Variants in KCNK3 observed in about 807,000 individuals in gnomAD.
The protein encoded by KCNK3 is potassium channel subfamily K member 3.
In KCNK3, 9 loss-of-function variants were observed where a neutral mutation model predicts 27.3. That is an observed-to-expected ratio of 0.33 (90% CI 0.20 to 0.57). The LOEUF (loss-of-function observed/expected upper bound fraction) is 0.57, where lower values mean the gene tolerates loss of function less well. Ranked by LOEUF, KCNK3 falls within the 20% of genes least tolerant of loss-of-function variation. KCNK3 has a pLI of 0.87. For synonymous variants in KCNK3, 278 were observed against 273.8 expected, an observed-to-expected ratio of 1.02 and a Z score of -0.15; for missense variants, 391 against 577.7, an observed-to-expected ratio of 0.68 and a Z score of 3.31.
chr2:26,727,590 C>G (rs1423916271), intron 1 of KCNK3, 77 bp from the exon 2 acceptor site: 2 of 1,509,308 alleles, frequency 1.3e-6, no homozygotes, highest in Non-Finnish European at 1.8e-6. Flanking sequence ...GGCGGGGCAA[C>G]GGGGAGGGAG....
At chr2:26,708,247 C>T (rs1670399306) in intron 1 of KCNK3, among the ~76,000 whole-genome samples, 1 of 152,082 alleles carries the variant, frequency 6.6e-6, no homozygotes, top group Admixed American at 6.5e-5. Context: ...GATGCAAAGG[C>T]CTCAAGCAGG....
At chr2:26,720,129 C>G (rs2148266716) in intron 1 of KCNK3, among the ~76,000 whole-genome samples, 1 of 152,312 alleles carries the variant, frequency 6.6e-6, no homozygotes, top group Admixed American at 6.5e-5. Context: ...GTGGTTCACA[C>G]CTGTAGTCAC....
intron 1 of KCNK3, among the ~76,000 whole-genome samples, chr2:26,712,175 G>C (rs1224784609): frequency 6.6e-6 from 1 of 152,186 alleles, no homozygotes; most frequent in Admixed American, 6.5e-5. Flanking sequence ...GGTCAGAAGA[G>C]AGCAACAAGC....
At chr2:26,725,430 C>A (rs1210787115) in intron 1 of KCNK3, among the ~76,000 whole-genome samples, 2 of 152,194 alleles carry the variant, frequency 1.3e-5, no homozygotes, top group African/African-American at 4.8e-5. Context: ...ACACAGCTAT[C>A]ACGTGGCCAA....
chr2:26,702,589 C>T (rs1670321519), intron 1 of KCNK3, among the ~76,000 whole-genome samples: 1 of 152,150 alleles, frequency 6.6e-6, no homozygotes, highest in African/African-American at 2.4e-5. Flanking sequence ...AAAATTGAAG[C>T]TGACCAAAGA....
chr2:26,693,177 G>A lies in KCNK3; in HGVS notation c.283+19G>A, dbSNP rs557385613. Reference sequence around the variant, plus strand: ...ACCATCGGTAACGGCTCGCCGGGCGGGGGGCGGGAACCCAGGGCTGGGCGC... The same window carrying A: ...ACCATCGGTAACGGCTCGCCGGGCGAGGGGCGGGAACCCAGGGCTGGGCGC... On this transcript the variant is annotated intron_variant, in intron 1 of 1. Coordinates refer to ENST00000302909, the MANE Select transcript of KCNK3 (RefSeq NM_002246.3). The surrounding 1 kb of genome is among the most constrained non-coding windows in gnomAD (Gnocchi z 5.5). 4 of 1,521,578 alleles carry A rather than the reference G, an allele frequency of 2.6e-6. No homozygotes were observed. The highest frequency in any genetic ancestry group is 2.6e-5 in the East Asian group (1 of 39,182). The allele number at this position is 1,521,578 out of a possible 1,614,324, so 94.3% of individuals were successfully genotyped here.
chr2:26,714,588 T>G (rs1330463876), intron 1 of KCNK3, among the ~76,000 whole-genome samples: 1 of 87,856 alleles, frequency 1.1e-5, no homozygotes. Context: ...AGAACAACCT[T>G]AAGAGGAGGG....
intron 1 of KCNK3, among the ~76,000 whole-genome samples, chr2:26,711,904 TG>T: frequency 6.6e-6 from 1 of 151,954 alleles, no homozygotes; most frequent in South Asian, 2.1e-4. Flanking sequence ...AAGCTGCAGC[TG>T]GGGGGAGCTG....
At chr2:26,695,682 T>C (rs1670226001) in intron 1 of KCNK3, among the ~76,000 whole-genome samples, 2 of 152,170 alleles carry the variant, frequency 1.3e-5, no homozygotes, top group South Asian at 2.1e-4. Context: ...ATGCTATTGA[T>C]GGGTTTAAGG....
chr2:26,712,907 A>C (rs764832716), intron 1 of KCNK3, among the ~76,000 whole-genome samples: 2 of 152,064 alleles, frequency 1.3e-5, no homozygotes, highest in Non-Finnish European at 2.9e-5. Flanking sequence ...CTCCTTTCAC[A>C]TCTCCTGGCA....
At chr2:26,712,884 G>A (rs949157401) in intron 1 of KCNK3, among the ~76,000 whole-genome samples, 4 of 152,044 alleles carry the variant, frequency 2.6e-5, no homozygotes, top group African/African-American at 9.7e-5. Context: ...AGGGTGCTGA[G>A]CCTAAGAAAA....
chr2:26,694,327 C>G (rs994458038), intron 1 of KCNK3, among the ~76,000 whole-genome samples: 9 of 152,202 alleles, frequency 5.9e-5, no homozygotes, highest in African/African-American at 2.2e-4. Flanking sequence ...CTTTACTGTT[C>G]CCTCTCCTCT....
intron 1 of KCNK3, among the ~76,000 whole-genome samples, chr2:26,727,027 G>A (rs577789306): frequency 6.6e-6 from 1 of 152,248 alleles, no homozygotes; most frequent in South Asian, 2.1e-4. Context: ...TGGCACAGTG[G>A]GCCAGCTGCC....
intron 1 of KCNK3, among the ~76,000 whole-genome samples, chr2:26,720,144 A>G (rs1465533849): frequency 6.6e-6 from 1 of 152,138 alleles, no homozygotes; most frequent in African/African-American, 2.4e-5. Flanking sequence ...AGTCACAGCT[A>G]CTCGGGAGGC....
intron 1 of KCNK3, among the ~76,000 whole-genome samples, chr2:26,700,141 G>A (rs970705038): frequency 6.6e-6 from 1 of 152,206 alleles, no homozygotes; most frequent in Non-Finnish European, 1.5e-5. Flanking sequence ...TTCACAGTTT[G>A]GAGACTAAAA....
In KCNK3 at chr2:26,692,833, G is replaced by T; in HGVS notation, c.-43G>T. The T allele has an allele frequency of 1.8e-6, 2 of 1,112,498 alleles. No homozygotes were observed. Among genetic ancestry groups the T allele is most frequent in the Non-Finnish European group, 2.2e-6 (2 of 907,860 alleles). 68.9% of individuals were successfully genotyped at this position (1,112,498 alleles called of 1,614,324 possible). A position where few individuals can be genotyped will look rare whatever the true frequency, so the allele number is the denominator to read the frequency against. ...GCAGCGGCGGCCGGGGCCGAGGCGC[G>T]GGCCGGGGGCGCCGGGGGGCCGGCG... On this transcript the variant is annotated 5_prime_UTR_variant, in exon 1 of 2. Coordinates refer to ENST00000302909, the MANE Select transcript of KCNK3 (RefSeq NM_002246.3). This position sits in a 1 kb window ranked among gnomAD's most constrained non-coding sequence, Gnocchi z 5.6.
At chr2:26,712,857 G>A (rs539623713) in intron 1 of KCNK3, among the ~76,000 whole-genome samples, 1 of 152,260 alleles carries the variant, frequency 6.6e-6, no homozygotes, top group South Asian at 2.1e-4. Flanking sequence ...CACCATCTGA[G>A]CTCCTGAGCC....
At chr2:26,708,343 G>A (rs1277158014) in intron 1 of KCNK3, among the ~76,000 whole-genome samples, 1 of 152,158 alleles carries the variant, frequency 6.6e-6, no homozygotes, top group African/African-American at 2.4e-5. Flanking sequence ...ATCTGTAAGG[G>A]CTGGACACTG....
chr2:26,726,106 C>CACAGAGAGAG (rs1553387172), intron 1 of KCNK3, among the ~76,000 whole-genome samples: 14 of 81,814 alleles, frequency 1.7e-4, no homozygotes, highest in African/African-American at 7.9e-4. Flanking sequence ...CACACACACA[C>CACAGAGAGAG]AGAGAGAGAG....
Sources: allele counts gnomAD v4.1 joint callset (sites outside exome capture counted in the v4.1 genomes callset), GRCh38; gene constraint gnomAD v4.1.1; non-coding constraint Gnocchi (gnomAD v3.1); transcripts MANE v1.5; gene names NCBI Gene and HGNC (gene_info 2026-07-23, HGNC 2026-07-21).